The following FRMD4B variants were observed in gnomAD, a reference collection of about 807,000 sequenced individuals.
The protein encoded by FRMD4B is FERM domain containing 4B.
In FRMD4B, 74 loss-of-function variants were observed where a neutral mutation model predicts 141.5. The ratio of observed to expected loss-of-function variants is 0.52; its 90% CI spans 0.43 to 0.63. The LOEUF (loss-of-function observed/expected upper bound fraction) is 0.63. Among genes scored for constraint, FRMD4B ranks in the 30% least tolerant of loss-of-function variants. The probability of loss-of-function intolerance (pLI) is 0.00; values close to 1 mark genes in which losing one functional copy is unlikely to be tolerated. For missense variants in FRMD4B, 1,366 were observed against 1,253.4 expected (o/e 1.09, Z -1.36); for synonymous variants, 506 against 467.9 (o/e 1.08, Z -1.05).
At chr3:69,472,551 G>C in intron 1 of FRMD4B, 1 of 232,858 alleles carries the variant, frequency 4.3e-6, no homozygotes, top group Non-Finnish European at 8.8e-6. Context: ...TCCACTTCTG[G>C]CCAATGCACC....
intron 1 of FRMD4B, among the ~76,000 whole-genome samples, chr3:69,483,868 C>T (rs1205561382): frequency 1.3e-5 from 2 of 152,118 alleles, no homozygotes; most frequent in Admixed American, 1.3e-4. Context: ...AAATAAAAAC[C>T]AGTCACATTC....
rs946230838 is a variant in FRMD4B at position 69,386,021 on chromosome 3, C to T, written c.-32G>A. 8 of 1,535,112 alleles carry T rather than the reference C, an allele frequency of 5.2e-6. No homozygotes were observed. The African/African-American group carries it at 9.7e-5, about 19-fold the overall frequency. On this transcript the variant is annotated 5_prime_UTR_variant, in exon 1 of 23. Transcript: ENST00000398540. ...TCCTTCGCTCTGAACCCGGGCGTCC[C>T]GGCTCTCGTACGTGCAGCCCCGACC...
In FRMD4B at chr3:69,171,783, C is replaced by A; in HGVS notation, c.*78G>T. The A allele has an allele frequency of 6.9e-7, 1 of 1,444,468 alleles. No homozygotes were observed. The highest frequency in any genetic ancestry group is 1.8e-4 in the Middle Eastern group (1 of 5,600). The allele number at this position is 1,444,468 out of a possible 1,614,324, so 89.5% of individuals were successfully genotyped here. A position where few individuals can be genotyped will look rare whatever the true frequency, so the allele number is the denominator to read the frequency against. Reference sequence around the variant, plus strand: ...GTCTTTAGGTTTCTAAAACGAACATCCTCTCGGAAGACAAATACAATTTGC... The same window carrying A: ...GTCTTTAGGTTTCTAAAACGAACATACTCTCGGAAGACAAATACAATTTGC... On this transcript the variant is annotated 3_prime_UTR_variant, in exon 23 of 23. Transcript: ENST00000398540.
chr3:69,193,615 G>T, intron 17 of FRMD4B, 33 bp downstream of exon 17: 2 of 1,091,114 alleles, frequency 1.8e-6, no homozygotes, highest in Admixed American at 2.5e-5. Flanking sequence ...CTGAGTAGGG[G>T]ACTCAAAAAA....
At chr3:69,333,841 TG>T (rs1342613416) in intron 1 of FRMD4B, 1 of 152,206 alleles carries the variant, frequency 6.6e-6, no homozygotes, top group African/African-American at 2.4e-5. Flanking sequence ...TACACATTTT[TG>T]TTGGGGAGAG....
At chr3:69,485,361 C>T (rs951540554) in intron 1 of FRMD4B, among the ~76,000 whole-genome samples, 4 of 152,194 alleles carry the variant, frequency 2.6e-5, no homozygotes, top group Non-Finnish European at 4.4e-5. Context: ...GATCTACAGC[C>T]CCAGCTTGCA....
intron 1 of FRMD4B, among the ~76,000 whole-genome samples, chr3:69,500,560 C>G (rs888213492): frequency 2.0e-5 from 3 of 152,050 alleles, no homozygotes; most frequent in Admixed American, 2.0e-4. Flanking sequence ...AGGGAACTAA[C>G]AAGGAATGGG....
intron 1 of FRMD4B, among the ~76,000 whole-genome samples, chr3:69,380,337 C>G (rs1704082957): frequency 6.6e-6 from 1 of 152,114 alleles, no homozygotes; most frequent in Admixed American, 6.5e-5. Context: ...TGTAGTCTCA[C>G]CAAGTCCAGG....
chr3:69,325,084 AAAAAGAAAG>A lies in FRMD4B; in HGVS notation c.163-11576_163-11568del, dbSNP rs745472979. Among the ~76,000 whole-genome samples the A allele has an allele frequency of 2.9e-3, 404 of 140,420 alleles. 1 individual carries two copies. Among genetic ancestry groups the A allele is most frequent in the Non-Finnish European group, 4.2e-3 (272 of 65,060 alleles). The allele number at this position is 140,420 out of a possible 152,430, so 92.1% of individuals were successfully genotyped here. ...ACAGTGAGATACTGTCTAAAAAAAA[AAAAAGAAAG>A]AAAGAAAGAAAGAAAGAAAGAAAGA... On this transcript the variant is annotated intron_variant, in intron 1 of 22. Transcript: ENST00000398540.
chr3:69,438,382 AG>A (rs1705293535), intron 1 of FRMD4B, among the ~76,000 whole-genome samples: 2 of 152,162 alleles, frequency 1.3e-5, no homozygotes, highest in Admixed American at 6.5e-5. Context: ...CTGGGATTAC[AG>A]GCATGAGCCA....
intron 1 of FRMD4B, among the ~76,000 whole-genome samples, chr3:69,534,483 A>G (rs1363952900): frequency 1.3e-5 from 2 of 152,236 alleles, no homozygotes; most frequent in Non-Finnish European, 2.9e-5. Context: ...TTGTAGCTGG[A>G]TTAGAAGACA....
chr3:69,402,734 G>C (rs1704586398), intron 2 of FRMD4B, among the ~76,000 whole-genome samples: 1 of 152,140 alleles, frequency 6.6e-6, no homozygotes, highest in Admixed American at 6.5e-5. Context: ...CCAGATTATA[G>C]ACAGTATGAC....
intron 1 of FRMD4B, among the ~76,000 whole-genome samples, chr3:69,484,726 T>C (rs1282842099): frequency 2.6e-5 from 4 of 151,902 alleles, no homozygotes; most frequent in Non-Finnish European, 5.9e-5. Context: ...TCTCCAGTTA[T>C]CAGCAGAGAG....
At chr3:69,341,919 G>C (rs1312783111) in intron 1 of FRMD4B, among the ~76,000 whole-genome samples, 1 of 152,146 alleles carries the variant, frequency 6.6e-6, no homozygotes, top group African/African-American at 2.4e-5. Context: ...AAATTACTGA[G>C]TTGCAGTTAC....
At chr3:69,467,169 T>C (rs1001498) in intron 1 of FRMD4B, among the ~76,000 whole-genome samples, 91,396 of 152,060 alleles carry the variant, frequency 0.6, 28,631 homozygotes, top group African/African-American at 0.78. Context: ...TTGGAGCCAA[T>C]GAGAAGTGGA....
At chr3:69,264,829 T>A (rs2093550258) in intron 5 of FRMD4B, among the ~76,000 whole-genome samples, 1 of 152,114 alleles carries the variant, frequency 6.6e-6, no homozygotes. Flanking sequence ...TTCAAAGACA[T>A]GAGCATTATG....
chr3:69,205,383 A>G (rs1276663495), intron 11 of FRMD4B, among the ~76,000 whole-genome samples: 2 of 151,920 alleles, frequency 1.3e-5, no homozygotes, highest in Non-Finnish European at 2.9e-5. Flanking sequence ...TAATTTTTTA[A>G]TTTCTTGTAG....
chr3:69,183,780 C>G (rs535098431), intron 19 of FRMD4B, among the ~76,000 whole-genome samples: 4 of 151,360 alleles, frequency 2.6e-5, no homozygotes, highest in South Asian at 4.2e-4. Context: ...CCGCGCCCAG[C>G]CTGAAGTTAA....
intron 5 of FRMD4B, among the ~76,000 whole-genome samples, chr3:69,265,268 AAATAT>A (rs2093554392): frequency 3.5e-5 from 1 of 28,872 alleles, no homozygotes; most frequent in African/African-American, 1.4e-4. Flanking sequence ...AAAAAAAAAA[AAATAT>A]ATATATATAT....
Sources: gnomAD v4.1 joint callset for allele counts (sites outside exome capture counted in the v4.1 genomes callset) on GRCh38, gnomAD v4.1.1 for gene constraint, MANE v1.5 for transcripts, NCBI Gene and HGNC (gene_info 2026-07-23, HGNC 2026-07-21) for gene names.